RBFOX1: variants seen among roughly 807,000 people sequenced by gnomAD.
The protein encoded by RBFOX1 is RNA binding protein fox-1 homolog 1.
A neutral mutation model predicts 57.7 loss-of-function variants in RBFOX1; 8 were observed. The ratio of observed to expected loss-of-function variants is 0.14; its 90% CI spans 0.08 to 0.25. RBFOX1 has a LOEUF of 0.25. Ranked by LOEUF, RBFOX1 falls within the 10% of genes least tolerant of loss-of-function variation. The probability of loss-of-function intolerance (pLI) is 1.00; values close to 1 mark genes in which losing one functional copy is unlikely to be tolerated. For missense variants in RBFOX1, 611 were observed against 548.5 expected, an observed-to-expected ratio of 1.11 and a Z score of -1.14; for synonymous variants, 326 against 222.4, an observed-to-expected ratio of 1.47 and a Z score of -4.15.
intron 3 of RBFOX1, among the ~76,000 whole-genome samples, chr16:6,808,249 A>T (rs35877348): frequency 6.6e-6 from 1 of 151,014 alleles, no homozygotes. Context: ...TTTATATTCT[A>T]CTGATGCCCC....
At chr16:6,576,748 G>A (rs372672108) in intron 2 of RBFOX1, among the ~76,000 whole-genome samples, 1 of 152,174 alleles carries the variant, frequency 6.6e-6, no homozygotes, top group African/African-American at 2.4e-5. Context: ...TGCAACGTTA[G>A]GGATTTATGC....
intron 3 of RBFOX1, among the ~76,000 whole-genome samples, chr16:6,672,797 C>T (rs1171233924): frequency 1.3e-5 from 2 of 152,158 alleles, no homozygotes; most frequent in Non-Finnish European, 2.9e-5. Flanking sequence ...GTAGAAAGAT[C>T]GTTTCTCTTC....
intron 4 of RBFOX1, among the ~76,000 whole-genome samples, chr16:5,952,000 TGTGTGTATATATATATGC>T (rs1263197103): frequency 6.6e-6 from 1 of 151,422 alleles, no homozygotes; most frequent in Non-Finnish European, 1.5e-5. Context: ...TATATATGTG[TGTGTGTATATATATATGC>T]ACACACACAC....
At chr16:5,809,699 A>G (rs2055353129) in intron 3 of RBFOX1, among the ~76,000 whole-genome samples, 2 of 152,196 alleles carry the variant, frequency 1.3e-5, no homozygotes, top group Non-Finnish European at 2.9e-5. Flanking sequence ...GGATGTGGAG[A>G]AATAGGAACA....
intron 2 of RBFOX1, among the ~76,000 whole-genome samples, chr16:6,478,363 C>T (rs1331920483): frequency 1.6e-5 from 2 of 127,498 alleles, no homozygotes; most frequent in African/African-American, 3.0e-5. Flanking sequence ...GCTGGGATTA[C>T]AGGTACCTGC....
chr16:5,641,117 C>T (rs988210668), intron 3 of RBFOX1, among the ~76,000 whole-genome samples: 6 of 150,826 alleles, frequency 4.0e-5, no homozygotes, highest in African/African-American at 7.3e-5. Flanking sequence ...CATACACACA[C>T]ATGCATACAC....
At position 7,187,488 on chromosome 16, in the gene RBFOX1, G is replaced by C. The variant is rs534197697; in HGVS notation, c.27+135390G>C. On this transcript the variant is annotated intron_variant, in intron 4 of 15. Coordinates refer to ENST00000550418, the MANE Select transcript of RBFOX1 (RefSeq NM_018723.4). ...GCTAATCACGAGATCAGGAGATCGA[G>C]ACCATCCTGGCTAACACAGTGAAAC... is the stretch of plus-strand genomic sequence containing the variant. Among the ~76,000 whole-genome samples, 951 of 151,482 alleles carry C rather than the reference G, an allele frequency of 6.3e-3. 11 individuals are homozygous for C. The highest frequency in any genetic ancestry group is 0.022 in the African/African-American group (896 of 41,312).
chr16:5,631,279 G>T (rs1410990054), intron 3 of RBFOX1, among the ~76,000 whole-genome samples: 1 of 152,120 alleles, frequency 6.6e-6, no homozygotes, highest in African/African-American at 2.4e-5. Flanking sequence ...CTCTCTTCGG[G>T]CAGGCGTGGT....
At chr16:6,138,096 T>A (rs2096681958) in intron 1 of RBFOX1, among the ~76,000 whole-genome samples, 4 of 152,206 alleles carry the variant, frequency 2.6e-5, no homozygotes, top group Admixed American at 2.6e-4. Flanking sequence ...ATTTTTGAGA[T>A]CCCTGATGTC....
intron 4 of RBFOX1, among the ~76,000 whole-genome samples, chr16:7,442,622 C>G (rs1473895377): frequency 6.6e-6 from 1 of 152,108 alleles, no homozygotes; most frequent in Non-Finnish European, 1.5e-5. Context: ...AGGGATTCTG[C>G]TAAATTTTTG....
chr16:6,654,491 T>G, intron 2 of RBFOX1, 112 bp from the exon 3 acceptor site: 2 of 809,316 alleles, frequency 2.5e-6, no homozygotes, highest in Non-Finnish European at 3.8e-6. Flanking sequence ...ATTAGGAGCA[T>G]GAGCTCTTTA....
At chr16:6,751,457 C>T (rs960355943) in intron 3 of RBFOX1, among the ~76,000 whole-genome samples, 1 of 152,140 alleles carries the variant, frequency 6.6e-6, no homozygotes, top group Admixed American at 6.5e-5. Flanking sequence ...GATGACTGAA[C>T]ATCCTGACTT....
chr16:7,384,421 T>G (rs1249651813), intron 4 of RBFOX1, among the ~76,000 whole-genome samples: 9 of 152,286 alleles, frequency 5.9e-5, no homozygotes, highest in East Asian at 1.9e-4. Context: ...TCCTGGTATT[T>G]TGGTTCTTGA....
At chr16:7,145,039 C>G (rs952180059) in intron 4 of RBFOX1, among the ~76,000 whole-genome samples, 1 of 152,146 alleles carries the variant, frequency 6.6e-6, no homozygotes, top group East Asian at 1.9e-4. Flanking sequence ...CTGGGCAAAT[C>G]CTAGCCGGAT....
chr16:6,958,503 C>G (rs888774972), intron 3 of RBFOX1, among the ~76,000 whole-genome samples: 2 of 152,118 alleles, frequency 1.3e-5, no homozygotes, highest in Middle Eastern at 3.2e-3. Flanking sequence ...ATACAATGGT[C>G]TGTTGACTTA....
intron 2 of RBFOX1, among the ~76,000 whole-genome samples, chr16:5,589,138 C>A (rs746116117): frequency 4.6e-5 from 7 of 152,178 alleles, no homozygotes; most frequent in Non-Finnish European, 7.3e-5. Context: ...ATGGGTTTCC[C>A]CAATCTGCTG....
At chr16:7,690,223 G>A (rs1328407373) in intron 14 of RBFOX1, among the ~76,000 whole-genome samples, 1 of 152,056 alleles carries the variant, frequency 6.6e-6, no homozygotes, top group Non-Finnish European at 1.5e-5. Flanking sequence ...CCCTATCACT[G>A]GCACTCTCTT....
intron 3 of RBFOX1, among the ~76,000 whole-genome samples, chr16:6,942,887 G>A (rs2078802109): frequency 6.6e-6 from 1 of 152,208 alleles, no homozygotes; most frequent in Admixed American, 6.5e-5. Context: ...CTCGCAGTTT[G>A]CAGTATACAA....
At chr16:5,460,024 G>A (rs1240721610) in intron 1 of RBFOX1, among the ~76,000 whole-genome samples, 1 of 152,080 alleles carries the variant, frequency 6.6e-6, no homozygotes, top group African/African-American at 2.4e-5. Flanking sequence ...TTCCTGTTTT[G>A]TCTGATTCTG....
Sources: gnomAD v4.1 joint callset for allele counts (sites outside exome capture counted in the v4.1 genomes callset) on GRCh38, gnomAD v4.1.1 for gene constraint, MANE v1.5 for transcripts, NCBI Gene and HGNC (gene_info 2026-07-23, HGNC 2026-07-21) for gene names.